The following GCNT2 variants were observed in gnomAD, a reference collection of about 807,000 sequenced individuals.
The protein encoded by GCNT2 is glucosaminyl (N-acetyl) transferase 2 (I blood group).
In GCNT2, 34 loss-of-function variants were observed where a neutral mutation model predicts 34.2. The ratio of observed to expected loss-of-function variants is 1.00; its 90% CI spans 0.76 to 1.32. The LOEUF (loss-of-function observed/expected upper bound fraction) is 1.32. Among genes scored for constraint, GCNT2 ranks in the 40% most tolerant of loss-of-function variants. GCNT2 has a pLI of 0.00. For synonymous variants in GCNT2, 212 were observed against 188.0 expected, an observed-to-expected ratio of 1.13 and a Z score of -1.04; for missense variants, 584 against 489.4, an observed-to-expected ratio of 1.19 and a Z score of -1.82.
intron 3 of GCNT2, among the ~76,000 whole-genome samples, chr6:10,564,591 G>C (rs1763193392): frequency 6.6e-6 from 1 of 152,178 alleles, no homozygotes; most frequent in African/African-American, 2.4e-5. Context: ...GATGGCAGAA[G>C]CCTGGACCCT....
intron 3 of GCNT2, among the ~76,000 whole-genome samples, chr6:10,535,279 T>G (rs1340805821): frequency 6.6e-6 from 1 of 152,162 alleles, no homozygotes; most frequent in Non-Finnish European, 1.5e-5. Context: ...CAGGTGAAGG[T>G]GCCCATGAGG....
At chr6:10,544,227 T>C (rs1418874249) in intron 3 of GCNT2, among the ~76,000 whole-genome samples, 3 of 151,870 alleles carry the variant, frequency 2.0e-5, no homozygotes, top group East Asian at 1.9e-4. Context: ...GACAGGAGAA[T>C]TGCATGAACC....
chr6:10,560,782 T>C (rs1004197348), intron 3 of GCNT2, among the ~76,000 whole-genome samples: 38 of 152,044 alleles, frequency 2.5e-4, no homozygotes, highest in Non-Finnish European at 5.9e-5. Flanking sequence ...TGACTTCTCT[T>C]TTGGTTTTCA....
At chr6:10,563,769 AAAAAAAAAATAT>A (rs1481197645) in intron 3 of GCNT2, among the ~76,000 whole-genome samples, 852 of 69,982 alleles carry the variant, frequency 0.012, 1 homozygote, top group African/African-American at 0.019. Flanking sequence ...AAAAAAAAAA[AAAAAAAAAATAT>A]ATATATATAT....
chr6:10,622,764 T>TC (rs1766092222), intron 4 of GCNT2, among the ~76,000 whole-genome samples: 1 of 127,872 alleles, frequency 7.8e-6, no homozygotes, highest in Admixed American at 8.0e-5. Context: ...TTTTTTTTTT[T>TC]TTTTTTGAGA....
At chr6:10,531,940 C>A in intron 3 of GCNT2, among the ~76,000 whole-genome samples, 1 of 142,816 alleles carries the variant, frequency 7.0e-6, no homozygotes, top group African/African-American at 2.6e-5. Context: ...TTGGAAAAGA[C>A]TTGAAGAGGG....
Position 10,529,463 on chromosome 6 carries a change from G to C in GCNT2, c.552G>C (p.Trp184Cys), listed in dbSNP as rs766594355. ...ACCTTGTGGCCTCTGAAGTTCCCTGGAAGTATGTCATCAACACCTGCGGGC... is the reference window on the plus strand; with the variant it reads ...ACCTTGTGGCCTCTGAAGTTCCCTGCAAGTATGTCATCAACACCTGCGGGC... ...LEDLVASEVP[W>C]KYVINTCGQD... Residue 184 changes from tryptophan to cysteine, a missense_variant, in exon 3 of 5, where the codon TGG becomes TGC. Transcript: ENST00000495262. 3.7e-6 allele frequency: 6 copies of C among 1,613,964 alleles called. No individual in the cohort carries two copies. The highest frequency in any genetic ancestry group is 3.3e-4 in the Middle Eastern group (2 of 6,084).
intron 3 of GCNT2, among the ~76,000 whole-genome samples, chr6:10,545,122 C>G (rs968505461): frequency 5.9e-5 from 9 of 152,056 alleles, no homozygotes; most frequent in African/African-American, 2.2e-4. Flanking sequence ...GGTACAGCCC[C>G]CCAGCCCCCT....
intron 3 of GCNT2, among the ~76,000 whole-genome samples, chr6:10,560,764 ACTG>A (rs1418675930): frequency 6.6e-6 from 1 of 151,886 alleles, no homozygotes; most frequent in Non-Finnish European, 1.5e-5. Context: ...GTGCCTTTCT[ACTG>A]AGAGTGACTT....
At chr6:10,567,877 G>A (rs1763359071) in intron 3 of GCNT2, among the ~76,000 whole-genome samples, 1 of 152,316 alleles carries the variant, frequency 6.6e-6, no homozygotes, top group South Asian at 2.1e-4. Flanking sequence ...TAATGAAAAG[G>A]TGATCACTTT....
intron 3 of GCNT2, among the ~76,000 whole-genome samples, chr6:10,604,603 G>A (rs1765230170): frequency 6.6e-6 from 1 of 152,150 alleles, no homozygotes. Context: ...GCTCACGCTT[G>A]TAATTCCAGC....
At chr6:10,539,206 T>TTTTTTTTTG (rs1491477004) in intron 3 of GCNT2, among the ~76,000 whole-genome samples, 2 of 136,168 alleles carry the variant, frequency 1.5e-5, no homozygotes, top group Admixed American at 7.3e-5. Flanking sequence ...TTTTTTTTTT[T>TTTTTTTTTG]GAGGCAGAGT....
At chr6:10,533,054 C>T (rs1761575403) in intron 3 of GCNT2, among the ~76,000 whole-genome samples, 2 of 151,530 alleles carry the variant, frequency 1.3e-5, no homozygotes, top group Admixed American at 6.6e-5. Context: ...CGCCTGTAAT[C>T]CCAGCACTTT....
chr6:10,569,869 C>CTT (rs1349925440), intron 3 of GCNT2, among the ~76,000 whole-genome samples: 1,591 of 149,576 alleles, frequency 0.011, 23 homozygotes, highest in African/African-American at 0.033. Flanking sequence ...CTCTTTCTTT[C>CTT]TTTCTTTCTC....
intron 3 of GCNT2, among the ~76,000 whole-genome samples, chr6:10,568,000 G>A (rs1001370300): frequency 2.6e-5 from 4 of 152,062 alleles, no homozygotes; most frequent in Non-Finnish European, 5.9e-5. Context: ...CTTAGCTATC[G>A]GTGGAATTTT....
At chr6:10,522,168 G>C (rs9460803) in intron 1 of GCNT2, among the ~76,000 whole-genome samples, 2,897 of 152,180 alleles carry the variant, frequency 0.019, 114 homozygotes, top group African/African-American at 0.066. Flanking sequence ...GATTACAGGC[G>C]TGAGCCACCG....
At chr6:10,605,102 C>T (rs376496594) in intron 3 of GCNT2, among the ~76,000 whole-genome samples, 5 of 151,230 alleles carry the variant, frequency 3.3e-5, no homozygotes, top group Admixed American at 1.3e-4. Flanking sequence ...TCCATGATTG[C>T]GCCATGTGCT....
intron 4 of GCNT2, among the ~76,000 whole-genome samples, chr6:10,625,984 C>G (rs1766239671): frequency 6.6e-6 from 1 of 152,136 alleles, no homozygotes; most frequent in African/African-American, 2.4e-5. Flanking sequence ...TGCTCTCTTT[C>G]TTTCTCAAAA....
At chr6:10,565,169 C>T (rs538184461) in intron 3 of GCNT2, among the ~76,000 whole-genome samples, 7 of 152,276 alleles carry the variant, frequency 4.6e-5, no homozygotes, top group Admixed American at 2.0e-4. Context: ...TGGCCATAGC[C>T]GAGCGAACGA....
Sources: gnomAD v4.1 joint callset for allele counts (sites outside exome capture counted in the v4.1 genomes callset) on GRCh38, gnomAD v4.1.1 for gene constraint, MANE v1.5 for transcripts, NCBI Gene and HGNC (gene_info 2026-07-23, HGNC 2026-07-21) for gene names.